Variants in SH2B3 observed in about 807,000 individuals in gnomAD.
SH2B3 encodes SH2B adaptor protein 3, also known as SH2B adapter protein 3.
SH2B3 carries 43 observed loss-of-function variants against 51.9 expected under a neutral mutation model. The ratio of observed to expected loss-of-function variants is 0.83; its 90% CI spans 0.65 to 1.07. The LOEUF is 1.07. SH2B3 is among the 50% of genes least tolerant of loss of function. The probability of loss-of-function intolerance (pLI) is 0.00; values close to 1 mark genes in which losing one functional copy is unlikely to be tolerated. For synonymous variants in SH2B3, 396 were observed against 376.0 expected (o/e 1.05, Z -0.62); for missense variants, 952 against 834.3 (o/e 1.14, Z -1.74).
intron 2 of SH2B3, among the ~76,000 whole-genome samples, chr12:111,433,511 C>T (rs1872642786): frequency 6.6e-6 from 1 of 152,146 alleles, no homozygotes; most frequent in South Asian, 2.1e-4. Flanking sequence ...TTGTAGCCAT[C>T]CCAGCCATCT....
At position 111,428,262 on chromosome 12, in the gene SH2B3, G is replaced by A. The variant is rs560081339; in HGVS notation, c.732+9385G>A. ...GGCCTCTGATGCCCAGCTTGGAGAAGTGGTAGAAGAGGGGCTGGGGGATGC... is the reference window on the plus strand; with the variant it reads ...GGCCTCTGATGCCCAGCTTGGAGAAATGGTAGAAGAGGGGCTGGGGGATGC... On this transcript the variant is annotated intron_variant, in intron 2 of 7. Transcript: ENST00000341259. Among the ~76,000 whole-genome samples, 98 of 152,340 alleles carry A rather than the reference G, an allele frequency of 6.4e-4. 1 individual carries two copies. The South Asian group carries it at 0.018, about 28-fold the overall frequency.
upstream of SH2B3, among the ~76,000 whole-genome samples, chr12:111,405,585 GA>G (rs1870180598): frequency 6.6e-6 from 1 of 151,978 alleles, no homozygotes; most frequent in South Asian, 2.1e-4. This position sits in a 1 kb window ranked among gnomAD's most constrained non-coding sequence, Gnocchi z 5.4. Flanking sequence ...TGCCGGCGTT[GA>G]GTGGGTGGGG....
Position 111,438,147 on chromosome 12 carries a change from A to G in SH2B3, c.733-8606A>G, listed in dbSNP as rs560262381. The stretch of plus-strand genomic sequence containing the variant: ...TGCAGTTTGGGTCAGGCAGGGCATC[A>G]CAAATGCAGGGGCTGGGTGGCAGGG... On this transcript the variant is annotated intron_variant, in intron 2 of 7. Transcript: ENST00000341259. The surrounding 1 kb of genome is among the most constrained non-coding windows in gnomAD (Gnocchi z 4.2). 3.3e-5 allele frequency among the ~76,000 whole-genome samples: 5 copies of G among 152,144 alleles called. No homozygotes were observed. Among genetic ancestry groups the G allele is most frequent in the Admixed American group, 6.5e-5 (1 of 15,288 alleles).
At position 111,439,734 on chromosome 12, in the gene SH2B3, C is replaced by T. The variant is rs1313363217; in HGVS notation, c.733-7019C>T. Among the ~76,000 whole-genome samples, 5 of 152,268 alleles carry T rather than the reference C, an allele frequency of 3.3e-5. No homozygotes were observed. The East Asian group carries it at 7.7e-4, about 24-fold the overall frequency. ...AGAGGAGGGTAGGCTGGAGCAGCAT[C>T]GTGGGGGTGGAAATAGCTAATTCTG... On this transcript the variant is annotated intron_variant, in intron 2 of 7. Transcript: ENST00000341259.
Position 111,418,525 on chromosome 12 carries a change from C to T in SH2B3, c.380C>T (p.Pro127Leu). 1.4e-6 allele frequency: 2 copies of T among 1,394,900 alleles called. No homozygotes were observed. The highest frequency in any genetic ancestry group is 1.9e-6 in the Non-Finnish European group (2 of 1,076,182). The allele number at this position is 1,394,900 out of a possible 1,614,324, so 86.4% of individuals were successfully genotyped here. A position where few individuals can be genotyped will look rare whatever the true frequency, so the allele number is the denominator to read the frequency against. Residue 127 changes from proline to leucine, a missense_variant, in exon 2 of 8, where the codon CCG becomes CTG. Physicochemically the swap from Pro to Leu is moderately conservative, Grantham distance 98. Transcript: ENST00000341259. The surrounding 1 kb of genome is among the most constrained non-coding windows in gnomAD (Gnocchi z 6.7). The part of the protein sequence containing the change: ...KARSSEELAP[P>L]RPPGPCSFQH... ...CGCAGCTCTGAGGAGCTGGCCCCGCCGCGGCCGCCCGGGCCCTGCTCCTTC... is the reference window on the plus strand; with the variant it reads ...CGCAGCTCTGAGGAGCTGGCCCCGCTGCGGCCGCCCGGGCCCTGCTCCTTC...
chr12:111,438,000 C>T (rs943159863), intron 2 of SH2B3, among the ~76,000 whole-genome samples: 1 of 152,172 alleles, frequency 6.6e-6, no homozygotes, highest in Non-Finnish European at 1.5e-5. Flanking sequence ...GTTGCGTCAT[C>T]AGGAAACCAT....
chr12:111,405,371 G>C (rs966029496), upstream of SH2B3, among the ~76,000 whole-genome samples: 1 of 149,134 alleles, frequency 6.7e-6, no homozygotes, highest in Admixed American at 6.7e-5. The surrounding 1 kb of genome is among the most constrained non-coding windows in gnomAD (Gnocchi z 5.4). Flanking sequence ...AGTCAGGGTC[G>C]GGCAGGGCTG....
At position 111,434,733 on chromosome 12, in the gene SH2B3, AATT is replaced by A. The variant is rs1304541940; in HGVS notation, c.733-12016_733-12014del. The stretch of plus-strand genomic sequence containing the variant: ...TGTCTTGGTTTCCTTTTTCACTTTT[AATT>A]ATTTAATCCAGCTGGCTTTTGTTAT... On this transcript the variant is annotated intron_variant, in intron 2 of 7. Transcript: ENST00000341259. The A allele has an allele frequency of 5.7e-6, 8 of 1,398,650 alleles. No homozygotes were observed. In the African/African-American group the frequency reaches 1.2e-4, roughly 20 times the overall value. 86.6% of individuals were successfully genotyped at this position (1,398,650 alleles called of 1,614,324 possible). A position where few individuals can be genotyped will look rare whatever the true frequency, so the allele number is the denominator to read the frequency against.
chr12:111,427,730 C>A (rs1872130679), intron 2 of SH2B3, among the ~76,000 whole-genome samples: 1 of 152,232 alleles, frequency 6.6e-6, no homozygotes, highest in Non-Finnish European at 1.5e-5. Flanking sequence ...GGAGGTTGAG[C>A]CTCAGTTTCC....
At chr12:111,430,263 G>C (rs1872362442) in intron 2 of SH2B3, among the ~76,000 whole-genome samples, 1 of 152,218 alleles carries the variant, frequency 6.6e-6, no homozygotes, top group Non-Finnish European at 1.5e-5. Context: ...CCTTATTGGG[G>C]TTCCATGCAA....
intron 1 of SH2B3, among the ~76,000 whole-genome samples, chr12:111,415,940 T>A (rs577061011): frequency 1.3e-5 from 2 of 151,316 alleles, no homozygotes; most frequent in East Asian, 2.0e-4. Flanking sequence ...TATGTATTTA[T>A]TTATTTATTT....
chr12:111,412,655 G>T (rs925409771), intron 1 of SH2B3, among the ~76,000 whole-genome samples: 1 of 152,064 alleles, frequency 6.6e-6, no homozygotes, highest in Admixed American at 6.5e-5. Context: ...CTGCAGCCTC[G>T]ACCTCCTGGG....
chr12:111,429,074 G>T lies in SH2B3; in HGVS notation c.732+10197G>T, dbSNP rs988723218. On this transcript the variant is annotated intron_variant, in intron 2 of 7. Transcript: ENST00000341259. The surrounding 1 kb of genome is among the most constrained non-coding windows in gnomAD (Gnocchi z 4.4). ...GAGGAGGAGGAGGAGGAGGAGGGAC[G>T]GCAGGAAGCCGCCTCGGGCTCTGAC... Among the ~76,000 whole-genome samples the T allele has an allele frequency of 6.6e-6, 1 of 150,998 alleles. No individual in the cohort carries two copies. The highest frequency in any genetic ancestry group is 1.5e-5 in the Non-Finnish European group (1 of 67,306).
In SH2B3 at chr12:111,447,493, G is replaced by A. The variant is rs1220756222; in HGVS notation, c.1185G>A (p.Glu395=). 4 of 1,611,980 alleles carry A rather than the reference G, an allele frequency of 2.5e-6. No individual in the cohort carries two copies. Among genetic ancestry groups the A allele is most frequent in the African/African-American group, 1.3e-5 (1 of 74,354 alleles). ...GAGTGTTCCTGGTGCGGCAGAGCGAGACGCGGCGTGGGGAATACGTGCTCA... is the reference window on the plus strand; with the variant it reads ...GAGTGTTCCTGGTGCGGCAGAGCGAAACGCGGCGTGGGGAATACGTGCTCA... ...AHGVFLVRQS[E]TRRGEYVLTF... The change falls in exon 6 of 8, where the codon GAG becomes GAA. Residue 395 remains glutamate, a synonymous_variant. Coordinates refer to ENST00000341259, the MANE Select transcript of SH2B3 (RefSeq NM_005475.3).
In SH2B3 at chr12:111,418,949, C is replaced by T; in HGVS notation, c.732+72C>T. On this transcript the variant is annotated intron_variant, in intron 2 of 7. Coordinates refer to ENST00000341259, the MANE Select transcript of SH2B3 (RefSeq NM_005475.3). The surrounding 1 kb of genome is among the most constrained non-coding windows in gnomAD (Gnocchi z 6.7). ...GCCTTCACCCTGGGGAGAGCGCGGG[C>T]TGGGGAGGTGTGATGGCTTTCCAGC... 2 of 1,306,778 alleles carry T rather than the reference C, an allele frequency of 1.5e-6. No individual in the cohort carries two copies. Among genetic ancestry groups the T allele is most frequent in the Admixed American group, 4.1e-5 (1 of 24,118 alleles). The allele number at this position is 1,306,778 out of a possible 1,614,324, so 80.9% of individuals were successfully genotyped here. A position where few individuals can be genotyped will look rare whatever the true frequency, so the allele number is the denominator to read the frequency against.
At chr12:111,432,910 A>G (rs1872599311) in intron 2 of SH2B3, among the ~76,000 whole-genome samples, 1 of 152,246 alleles carries the variant, frequency 6.6e-6, no homozygotes, top group Non-Finnish European at 1.5e-5. Flanking sequence ...TTATCACTTA[A>G]TAGACATCAG....
chr12:111,415,822 A>T (rs1191834530), intron 1 of SH2B3, among the ~76,000 whole-genome samples: 1 of 151,934 alleles, frequency 6.6e-6, no homozygotes, highest in Non-Finnish European at 1.5e-5. Context: ...AGGTTTCACC[A>T]TGTTGGCCAG....
chr12:111,443,076 TA>T (rs1299405041), intron 2 of SH2B3, among the ~76,000 whole-genome samples: 2 of 152,076 alleles, frequency 1.3e-5, no homozygotes, highest in Admixed American at 6.6e-5. Flanking sequence ...GAAGGGGCAG[TA>T]GGTAGCAAGA....
Position 111,439,613 on chromosome 12 carries a change from C to G in SH2B3, c.733-7140C>G, listed in dbSNP as rs1873218687. Among the ~76,000 whole-genome samples, 3 of 150,938 alleles carry G rather than the reference C, an allele frequency of 2.0e-5. No homozygotes were observed. In the South Asian group the frequency reaches 6.3e-4, roughly 32 times the overall value. Reference sequence around the variant, plus strand: ...GTTTCTTTTGAGATGAGATTTTGCTCTGTTGTCGAGGCTGGAGTGCAGTGG... The same window carrying G: ...GTTTCTTTTGAGATGAGATTTTGCTGTGTTGTCGAGGCTGGAGTGCAGTGG... On this transcript the variant is annotated intron_variant, in intron 2 of 7. Coordinates refer to ENST00000341259, the MANE Select transcript of SH2B3 (RefSeq NM_005475.3).
Sources: allele counts gnomAD v4.1 joint callset (sites outside exome capture counted in the v4.1 genomes callset), GRCh38; gene constraint gnomAD v4.1.1; non-coding constraint Gnocchi (gnomAD v3.1); transcripts MANE v1.5; gene names NCBI Gene and HGNC (gene_info 2026-07-23, HGNC 2026-07-21).